Variants in CCDC175 observed in about 807,000 individuals in gnomAD.
CCDC175 encodes the protein coiled-coil domain-containing protein 175.
A neutral mutation model predicts 114.6 loss-of-function variants in CCDC175; 100 were observed. The observed-to-expected ratio is 0.87, with a 90% CI of 0.74 to 1.03. The LOEUF is 1.03. Among genes scored for constraint, CCDC175 ranks in the 50% least tolerant of loss-of-function variants. CCDC175 has a pLI of 0.00. For missense variants in CCDC175, 880 were observed against 917.8 expected (o/e 0.96, Z 0.53); for synonymous variants, 306 against 308.7 (o/e 0.99, Z 0.09).
chr14:59,568,245 C>T lies in CCDC175; in HGVS notation c.491G>A (p.Gly164Glu), dbSNP rs778335225. The change falls in exon 4 of 20, where the codon GGG (glycine) becomes GAG (glutamate). Residue 164 changes from glycine to glutamate, a missense_variant and splice_region_variant. Coordinates refer to ENST00000537690, the MANE Select transcript of CCDC175 (RefSeq NM_001164399.2). ...TDLTKYNEAL[G>E]EKQEELARKH... Reference sequence around the variant, plus strand: ...AAATACTGAATATAAGAATACCTACCCCAGAGCTTCATTATATTTTGTCAG... The same window carrying T: ...AAATACTGAATATAAGAATACCTACTCCAGAGCTTCATTATATTTTGTCAG... 36 of 1,527,406 alleles carry T rather than the reference C, an allele frequency of 2.4e-5. No individual in the cohort carries two copies. The highest frequency in any genetic ancestry group is 4.4e-6 in the Non-Finnish European group (5 of 1,144,610). 94.6% of individuals were successfully genotyped at this position (1,527,406 alleles called of 1,614,324 possible).
At chr14:59,551,246 T>C in intron 8 of CCDC175, 109 bp downstream of exon 8, 1 of 558,636 alleles carries the variant, frequency 1.8e-6, no homozygotes, top group Non-Finnish European at 2.9e-6. Context: ...ATATTATTGG[T>C]CAATGAAAAA....
chr14:59,523,646 A>T (rs1893549479), intron 16 of CCDC175, among the ~76,000 whole-genome samples: 1 of 152,164 alleles, frequency 6.6e-6, no homozygotes. Flanking sequence ...GGATGGCTGG[A>T]AAAAAAGGAT....
chr14:59,567,086 A>G (rs1896595341), intron 4 of CCDC175, among the ~76,000 whole-genome samples: 1 of 152,214 alleles, frequency 6.6e-6, no homozygotes, highest in Non-Finnish European at 1.5e-5. Context: ...AAGTTAGAGA[A>G]TCACTGGTCT....
intron 8 of CCDC175, among the ~76,000 whole-genome samples, chr14:59,548,294 G>A (rs1255424309): frequency 6.6e-6 from 1 of 152,154 alleles, no homozygotes; most frequent in East Asian, 1.9e-4. Context: ...CCAAGGGCTG[G>A]TGAGGGAGGG....
chr14:59,542,545 A>T (rs1461822951), intron 10 of CCDC175, among the ~76,000 whole-genome samples: 1 of 152,154 alleles, frequency 6.6e-6, no homozygotes, highest in Non-Finnish European at 1.5e-5. Flanking sequence ...CAACAGACAA[A>T]AGTAAATCTC....
At chr14:59,538,993 A>C (rs776167594) in intron 11 of CCDC175, among the ~76,000 whole-genome samples, 153 bp from the exon 12 acceptor site, 5 of 152,260 alleles carry the variant, frequency 3.3e-5, no homozygotes, top group Non-Finnish European at 7.3e-5. Flanking sequence ...TGAAAAAGTA[A>C]GACAAAACAT....
intron 17 of CCDC175, 108 bp from the exon 18 acceptor site, chr14:59,511,911 A>ATAATT: frequency 1.3e-6 from 1 of 794,106 alleles, no homozygotes; most frequent in Non-Finnish European, 2.0e-6. Flanking sequence ...TTATCTAAAA[A>ATAATT]TGTCTAGTTC....
chr14:59,564,423 C>T (rs1018980508), intron 5 of CCDC175: 1 of 153,298 alleles, frequency 6.5e-6, no homozygotes, highest in Non-Finnish European at 1.5e-5. Flanking sequence ...AAAACCACCT[C>T]TCCCCCAGTC....
At chr14:59,570,509 T>C (rs1167859284) in intron 3 of CCDC175, among the ~76,000 whole-genome samples, 1 of 152,072 alleles carries the variant, frequency 6.6e-6, no homozygotes, top group African/African-American at 2.4e-5. Flanking sequence ...AATGTGTGTG[T>C]AGAGCATTTA....
At chr14:59,543,685 G>C (rs111786641) in intron 9 of CCDC175, among the ~76,000 whole-genome samples, 4,773 of 152,172 alleles carry the variant, frequency 0.031, 113 homozygotes, top group Non-Finnish European at 0.049. Context: ...GTAGAGATGG[G>C]GTTTCCCTGT....
intron 13 of CCDC175, among the ~76,000 whole-genome samples, chr14:59,535,519 C>T (rs568517628): frequency 7.2e-5 from 11 of 152,088 alleles, no homozygotes; most frequent in Non-Finnish European, 1.6e-4. Flanking sequence ...AGATACTGAC[C>T]GCTTCTTAAC....
Position 59,521,574 on chromosome 14 carries a change from C to T in CCDC175, c.2098G>A (p.Ala700Thr), listed in dbSNP as rs1481954275. The change falls in exon 17 of 20, where the codon GCA becomes ACA. Residue 700 changes from alanine to threonine, a missense_variant and splice_region_variant. Physicochemically the swap from Ala to Thr is moderately conservative, Grantham distance 58. Transcript: ENST00000537690. ...ATACAAGCACCCACACATTACTTAC[C>T]CTCCTGAGCTATTAGTTGCCGAGAC... ...DLSRQLIAQE[A>T]QYKDLWAEFQ... is the part of the protein sequence containing the mutation. 2.6e-6 allele frequency: 4 copies of T among 1,512,288 alleles called. No homozygotes were observed. The highest frequency in any genetic ancestry group is 3.9e-5 in the Admixed American group (2 of 50,874). The allele number at this position is 1,512,288 out of a possible 1,614,324, so 93.7% of individuals were successfully genotyped here.
At chr14:59,525,567 T>G (rs1464216337) in intron 15 of CCDC175, 133 bp from the exon 16 acceptor site, 4 of 575,266 alleles carry the variant, frequency 7.0e-6, no homozygotes, top group Admixed American at 4.3e-5. Context: ...ATAGATATTC[T>G]TCCTTAGAAA....
chr14:59,505,199 G>T lies in CCDC175; in HGVS notation c.*40C>A. The T allele has an allele frequency of 9.3e-7, 1 of 1,077,188 alleles. No individual in the cohort carries two copies. Among genetic ancestry groups the T allele is most frequent in the Non-Finnish European group, 1.3e-6 (1 of 765,218 alleles). The allele number at this position is 1,077,188 out of a possible 1,614,324, so 66.7% of individuals were successfully genotyped here. A position where few individuals can be genotyped will look rare whatever the true frequency, so the allele number is the denominator to read the frequency against. ...AGTAAGTGCACTCACTTTTCCTGTA[G>T]TAGTCTGTCTTTTGAATTCACAGCA... On this transcript the variant is annotated 3_prime_UTR_variant, in exon 20 of 20. Transcript: ENST00000537690.
rs111363228 is a variant in CCDC175, at chr14:59,549,337, G to A, written c.1035+2018C>T. Among the ~76,000 whole-genome samples, 331 of 152,266 alleles carry A rather than the reference G, an allele frequency of 2.2e-3. 1 individual carries two copies. Among genetic ancestry groups the A allele is most frequent in the African/African-American group, 6.9e-3 (287 of 41,562 alleles). On this transcript the variant is annotated intron_variant, in intron 8 of 19. Coordinates refer to ENST00000537690, the MANE Select transcript of CCDC175 (RefSeq NM_001164399.2). Reference sequence around the variant, plus strand: ...ACAACCAGCCGAGGCAACATAAAGCGACCTGTCTCTGCAAATAATTTAAAA... The same window carrying A: ...ACAACCAGCCGAGGCAACATAAAGCAACCTGTCTCTGCAAATAATTTAAAA...
At chr14:59,532,759 C>T (rs1894145283) in intron 13 of CCDC175, among the ~76,000 whole-genome samples, 1 of 152,166 alleles carries the variant, frequency 6.6e-6, no homozygotes, top group Non-Finnish European at 1.5e-5. Flanking sequence ...ATGTTAGGCT[C>T]ATGCTGAGGA....
intron 17 of CCDC175, among the ~76,000 whole-genome samples, chr14:59,519,160 G>A (rs1566598053): frequency 6.6e-6 from 1 of 152,196 alleles, no homozygotes; most frequent in African/African-American, 2.4e-5. Context: ...ACATACCAGG[G>A]CCTGTTGTCG....
intron 10 of CCDC175, 77 bp from the exon 11 acceptor site, chr14:59,540,823 G>T: frequency 1.7e-6 from 2 of 1,196,260 alleles, no homozygotes; most frequent in African/African-American, 1.6e-5. Context: ...CGCATAATTT[G>T]TATGCTCAGT....
At chr14:59,546,472 A>G (rs73305663) in intron 8 of CCDC175, among the ~76,000 whole-genome samples, 2,066 of 152,292 alleles carry the variant, frequency 0.014, 44 homozygotes, top group African/African-American at 0.047. Flanking sequence ...AAAAATAAAA[A>G]TAAAAAATAA....
Sources: allele counts gnomAD v4.1 joint callset (sites outside exome capture counted in the v4.1 genomes callset), GRCh38; gene constraint gnomAD v4.1.1; transcripts MANE v1.5; gene names NCBI Gene and HGNC (gene_info 2026-07-23, HGNC 2026-07-21).